The following FAM234A variants were observed in gnomAD, a reference collection of about 807,000 sequenced individuals.
FAM234A encodes the protein protein FAM234A.
FAM234A carries 42 observed loss-of-function variants against 49.1 expected under a neutral mutation model. The observed-to-expected ratio is 0.86, with a 90% CI of 0.67 to 1.11. The LOEUF (loss-of-function observed/expected upper bound fraction) is 1.11, where lower values mean the gene tolerates loss of function less well. FAM234A is among the 50% of genes least tolerant of loss of function. FAM234A has a pLI of 0.00. For synonymous variants in FAM234A, 369 were observed against 316.2 expected (o/e 1.17, Z -1.77); for missense variants, 815 against 745.2 (o/e 1.09, Z -1.09).
chr16:257,758 G>C (rs1370256017), intron 3 of FAM234A, among the ~76,000 whole-genome samples: 1 of 152,192 alleles, frequency 6.6e-6, no homozygotes, highest in African/African-American at 2.4e-5. Context: ...GGCTGAGACA[G>C]GAGGATCACT....
intron 1 of FAM234A, among the ~76,000 whole-genome samples, chr16:244,316 T>G (rs942882061): frequency 2.0e-5 from 3 of 152,224 alleles, no homozygotes; most frequent in African/African-American, 7.2e-5. Context: ...GATTATTTTG[T>G]AATGGAGAAT....
chr16:260,444 C>A, intron 5 of FAM234A: 1 of 523,792 alleles, frequency 1.9e-6, no homozygotes. Flanking sequence ...CATGGGGTAG[C>A]AGAGAGGAGG....
In FAM234A at chr16:254,654, A is replaced by AT; in HGVS notation, c.242dup (p.Met81IlefsTer13). On this transcript the variant is annotated frameshift_variant, in exon 3 of 13. Transcript: ENST00000399932. LOFTEE classifies it high-confidence loss of function. ...TCCAGACCGGCCGGCGTCACAGCGA[A>AT]TGTGGAGGATAGACTACAGTGCCGC... is the stretch of plus-strand genomic sequence containing the variant. 1 of 1,613,910 alleles carries AT rather than the reference A, an allele frequency of 6.2e-7. No homozygotes were observed. The highest frequency in any genetic ancestry group is 2.2e-5 in the East Asian group (1 of 44,886).
Position 254,599 on chromosome 16 carries a change from G to T in FAM234A, c.186G>T (p.Val62=), listed in dbSNP as rs2051155038. The T allele has an allele frequency of 1.2e-6, 2 of 1,613,640 alleles. No homozygotes were observed. The highest frequency in any genetic ancestry group is 1.7e-6 in the Non-Finnish European group (2 of 1,179,674). Residue 62 remains valine, a synonymous_variant, in exon 3 of 13, where the codon GTG becomes GTT. Coordinates refer to ENST00000399932, the MANE Select transcript of FAM234A (RefSeq NM_032039.4). ...FFLSLFLCLF[V]VFVVSFVIPC... ...TTTCATTGTTTCTCTGCCTTTTTGT[G>T]GTGTTCGTCGTCTCATTCGTCATCC...
chr16:241,655 G>C (rs113985387), intron 1 of FAM234A, among the ~76,000 whole-genome samples: 5,671 of 151,794 alleles, frequency 0.037, 251 homozygotes, highest in African/African-American at 0.11. Flanking sequence ...CGGTGGCTCA[G>C]GCCTGTAATC....
At position 257,413 on chromosome 16, in the gene FAM234A, T is replaced by C. The variant is rs561183184; in HGVS notation, c.269-2070T>C. Among the ~76,000 whole-genome samples the C allele has an allele frequency of 4.6e-5, 7 of 150,772 alleles. No individual in the cohort carries two copies. The South Asian group carries it at 1.3e-3, about 27-fold the overall frequency. ...GGTGCCCGCCTCCATGCCTGGCTAA[T>C]GTATGTATTTTTAGTAGAGACGGGG... On this transcript the variant is annotated intron_variant, in intron 3 of 12. Coordinates refer to ENST00000399932, the MANE Select transcript of FAM234A (RefSeq NM_032039.4).
At chr16:263,123 C>G (rs1012884743) in intron 8 of FAM234A, 139 bp from the exon 9 acceptor site, 3 of 1,108,802 alleles carry the variant, frequency 2.7e-6, no homozygotes, top group African/African-American at 3.1e-5. Flanking sequence ...CAGCTCTTCT[C>G]TTTTCAAGCT....
downstream of FAM234A, chr16:269,726 T>C (rs740000): frequency 0.15 from 101,659 of 665,670 alleles, 16,016 homozygotes; most frequent in African/African-American, 0.57. Flanking sequence ...GGCAGCCGCC[T>C]CGGACCTGCC....
At chr16:269,750 A>C (rs1043571890), downstream of FAM234A, 9 of 589,666 alleles carry the variant, frequency 1.5e-5, no homozygotes, top group African/African-American at 9.4e-5. Flanking sequence ...ACCAAGGCAG[A>C]CGCAGGGAGA....
intron 3 of FAM234A, 121 bp from the exon 4 acceptor site, chr16:259,362 C>T: frequency 1.5e-6 from 1 of 666,612 alleles, no homozygotes; most frequent in South Asian, 1.9e-5. Context: ...AGCCACCGTC[C>T]TCGTTGGGTG....
At position 254,563 on chromosome 16, in the gene FAM234A, G is replaced by A; in HGVS notation, c.150G>A (p.Ala50=). The change falls in exon 3 of 13, where the codon GCG becomes GCA. Residue 50 remains alanine, a synonymous_variant. Coordinates refer to ENST00000399932, the MANE Select transcript of FAM234A (RefSeq NM_032039.4). Reference sequence around the variant, plus strand: ...CCCGGCTCTCCCGGTGCCGAGCGGCGGCGTTTTTTCTTTCATTGTTTCTCT... The same window carrying A: ...CCCGGCTCTCCCGGTGCCGAGCGGCAGCGTTTTTTCTTTCATTGTTTCTCT... ...PQSRLSRCRA[A]AFFLSLFLCL... 6.2e-7 allele frequency: 1 copy of A among 1,614,152 alleles called. No homozygotes were observed. Among genetic ancestry groups the A allele is most frequent in the Non-Finnish European group, 8.5e-7 (1 of 1,180,042 alleles).
At position 254,367 on chromosome 16, in the gene FAM234A, C is replaced by G; in HGVS notation, c.-33-14C>G. On this transcript the variant is annotated splice_polypyrimidine_tract_variant and intron_variant, in intron 2 of 12. Coordinates refer to ENST00000399932, the MANE Select transcript of FAM234A (RefSeq NM_032039.4). ...GACTGCTGGCCTCGCCGACCTCTTGCTTTATCGACACAGTGACCAGGAGTT... is the reference window on the plus strand; with the variant it reads ...GACTGCTGGCCTCGCCGACCTCTTGGTTTATCGACACAGTGACCAGGAGTT... 6.2e-7 allele frequency: 1 copy of G among 1,604,378 alleles called. No homozygotes were observed. The highest frequency in any genetic ancestry group is 8.5e-7 in the Non-Finnish European group (1 of 1,174,312).
At chr16:260,654 A>ATG (rs751687190) in intron 5 of FAM234A, 23 of 471,134 alleles carry the variant, frequency 4.9e-5, no homozygotes, top group Middle Eastern at 3.2e-4. Flanking sequence ...GCACGGGGCC[A>ATG]TGTGTGTGTG....
chr16:256,513 C>T (rs1263463791), intron 3 of FAM234A, among the ~76,000 whole-genome samples: 1 of 152,062 alleles, frequency 6.6e-6, no homozygotes, highest in African/African-American at 2.4e-5. Flanking sequence ...TGGTGAATGT[C>T]TATTCTTGCA....
chr16:252,306 C>T (rs925296730), intron 2 of FAM234A, among the ~76,000 whole-genome samples: 5 of 151,524 alleles, frequency 3.3e-5, no homozygotes, highest in Non-Finnish European at 7.4e-5. Flanking sequence ...CTCAGCCTCC[C>T]GAGTAGCTGG....
Position 264,078 on chromosome 16 carries a change from TG to T in FAM234A, c.1256del (p.Gly419ValfsTer79). On this transcript the variant is annotated frameshift_variant, in exon 11 of 13. Transcript: ENST00000399932. LOFTEE classifies it high-confidence loss of function. Reference sequence around the variant, plus strand: ...GTAGCCTAGCCCTCCCGAGCCTCCCTGGGGGTCCACTGTCCGCCAGCCTGCC... The same window carrying T: ...GTAGCCTAGCCCTCCCGAGCCTCCCTGGGGTCCACTGTCCGCCAGCCTGCC... Reference protein sequence around the residue: ...LCSLALPSLPGGPLSASLPTA... With the variant: ...LCSLALPSLPXGPLSASLPTA... The T allele has an allele frequency of 6.2e-7, 1 of 1,612,854 alleles. No homozygotes were observed. The highest frequency in any genetic ancestry group is 8.5e-7 in the Non-Finnish European group (1 of 1,179,942).
At chr16:253,623 C>T (rs1048100372) in intron 2 of FAM234A, among the ~76,000 whole-genome samples, 2 of 151,920 alleles carry the variant, frequency 1.3e-5, no homozygotes, top group East Asian at 1.9e-4. Flanking sequence ...TACAGGTGCC[C>T]GCCACCGTGC....
chr16:259,837 A>C lies in FAM234A; in HGVS notation c.386-132A>C, dbSNP rs892742285. 1.2e-5 allele frequency: 10 copies of C among 838,568 alleles called. No individual in the cohort carries two copies. The African/African-American group carries it at 1.7e-4, about 14-fold the overall frequency. 51.9% of individuals were successfully genotyped at this position (838,568 alleles called of 1,614,324 possible). ...CCCGGGAGCCTGCAAGATACAGGAGATCCACCTGGCGGGAGGGGCTGTGGC... is the reference window on the plus strand; with the variant it reads ...CCCGGGAGCCTGCAAGATACAGGAGCTCCACCTGGCGGGAGGGGCTGTGGC... On this transcript the variant is annotated intron_variant, in intron 4 of 12. Coordinates refer to ENST00000399932, the MANE Select transcript of FAM234A (RefSeq NM_032039.4).
At chr16:256,273 A>G (rs1316210050) in intron 3 of FAM234A, among the ~76,000 whole-genome samples, 2 of 152,212 alleles carry the variant, frequency 1.3e-5, no homozygotes, top group Non-Finnish European at 2.9e-5. Flanking sequence ...CTTTCTGAGG[A>G]GCTGACAAGC....
Sources: gnomAD v4.1 joint callset for allele counts (sites outside exome capture counted in the v4.1 genomes callset) on GRCh38, gnomAD v4.1.1 for gene constraint, MANE v1.5 for transcripts, NCBI Gene and HGNC (gene_info 2026-07-23, HGNC 2026-07-21) for gene names.